Variants in XRCC4 observed in about 807,000 individuals in gnomAD.
The protein encoded by XRCC4 is DNA repair protein XRCC4.
Under a neutral mutation model 39.1 loss-of-function variants are expected in XRCC4, and 28 were observed. The observed-to-expected ratio is 0.72, with a 90% CI of 0.53 to 0.98. XRCC4 has a LOEUF of 0.98. XRCC4 is among the 50% of genes least tolerant of loss of function. The pLI, the probability that XRCC4 is intolerant of heterozygous loss-of-function variation, is 0.00. For synonymous variants in XRCC4, 123 were observed against 126.4 expected (o/e 0.97, Z 0.18); for missense variants, 350 against 376.4 (o/e 0.93, Z 0.58).
chr5:83,138,055 A>G (rs188236578), intron 3 of XRCC4, among the ~76,000 whole-genome samples: 48 of 152,306 alleles, frequency 3.2e-4, no homozygotes, highest in Admixed American at 2.7e-3. Flanking sequence ...TTGAGTTCAG[A>G]TAGATTAATA....
chr5:83,078,242 TAC>T (rs1744763117), intron 1 of XRCC4, among the ~76,000 whole-genome samples: 1 of 152,202 alleles, frequency 6.6e-6, no homozygotes, highest in Admixed American at 6.5e-5. Context: ...GAGGTTCTAC[TAC>T]ACACACACGT....
At chr5:83,242,608 C>T (rs1361740090) in intron 6 of XRCC4, among the ~76,000 whole-genome samples, 1 of 151,936 alleles carries the variant, frequency 6.6e-6, no homozygotes, top group African/African-American at 2.4e-5. Flanking sequence ...GCCACTATGC[C>T]CAGTTTCTTC....
chr5:83,266,492 G>C (rs375116755), intron 7 of XRCC4, among the ~76,000 whole-genome samples: 3 of 151,440 alleles, frequency 2.0e-5, no homozygotes, highest in African/African-American at 7.3e-5. Flanking sequence ...TCAGCAAATG[G>C]AAGAAAGAAA....
At chr5:83,275,154 G>A (rs1055134148) in intron 7 of XRCC4, among the ~76,000 whole-genome samples, 1 of 152,146 alleles carries the variant, frequency 6.6e-6, no homozygotes, top group Admixed American at 6.5e-5. Flanking sequence ...TTTAGAATAA[G>A]GGAGAGAGAG....
chr5:83,204,107 C>G (rs1292033761), intron 5 of XRCC4, among the ~76,000 whole-genome samples: 1 of 152,098 alleles, frequency 6.6e-6, no homozygotes, highest in Non-Finnish European at 1.5e-5. Context: ...CCAGGGAGCA[C>G]TTATTTTATC....
chr5:83,357,178 A>G (rs1445735788), downstream of XRCC4, among the ~76,000 whole-genome samples: 1 of 152,202 alleles, frequency 6.6e-6, no homozygotes, highest in African/African-American at 2.4e-5. Context: ...CTTTCAACAA[A>G]TATTTGTAAG....
intron 1 of XRCC4, among the ~76,000 whole-genome samples, chr5:83,086,108 T>G (rs538312459): frequency 6.6e-5 from 10 of 152,334 alleles, no homozygotes; most frequent in African/African-American, 2.4e-4. Flanking sequence ...CTAATGGTAG[T>G]GATAGGTGGC....
intron 7 of XRCC4, among the ~76,000 whole-genome samples, chr5:83,261,165 G>A (rs540868859): frequency 3.7e-4 from 56 of 149,906 alleles, no homozygotes; most frequent in Middle Eastern, 3.5e-3. Flanking sequence ...ATGAAAAAAA[G>A]AAGCTTCTAT....
At chr5:83,323,077 T>C (rs1267558565) in intron 7 of XRCC4, among the ~76,000 whole-genome samples, 1 of 152,088 alleles carries the variant, frequency 6.6e-6, no homozygotes, top group Non-Finnish European at 1.5e-5. Context: ...GTATTGACTC[T>C]GATGGATCTA....
intron 6 of XRCC4, among the ~76,000 whole-genome samples, chr5:83,251,523 CAAAAAA>C (rs60359773): frequency 1.1e-4 from 8 of 69,868 alleles, no homozygotes; most frequent in Admixed American, 8.3e-4. Flanking sequence ...GACTCCGTCT[CAAAAAA>C]AAAAAAAAAA....
At chr5:83,214,651 T>C (rs1369596623) in intron 6 of XRCC4, among the ~76,000 whole-genome samples, 2 of 151,726 alleles carry the variant, frequency 1.3e-5, no homozygotes, top group Non-Finnish European at 2.9e-5. Context: ...GCTAACACGG[T>C]GAAACCCCAT....
intron 3 of XRCC4, among the ~76,000 whole-genome samples, chr5:83,174,564 T>G (rs1749869248): frequency 6.6e-6 from 1 of 152,214 alleles, no homozygotes; most frequent in Non-Finnish European, 1.5e-5. Flanking sequence ...TTTTTGGCCA[T>G]GGATAAGTGT....
chr5:83,273,950 A>G (rs1205642646), intron 7 of XRCC4, among the ~76,000 whole-genome samples: 3 of 151,246 alleles, frequency 2.0e-5, no homozygotes, highest in Admixed American at 6.6e-5. Flanking sequence ...TTCCTGAGTT[A>G]TCACTACTTT....
intron 6 of XRCC4, among the ~76,000 whole-genome samples, chr5:83,241,710 C>T (rs984679312): frequency 1.3e-5 from 2 of 152,060 alleles, no homozygotes; most frequent in Admixed American, 1.3e-4. Flanking sequence ...TTACTAATAG[C>T]CTACTGTTGA....
intron 7 of XRCC4, among the ~76,000 whole-genome samples, chr5:83,271,343 T>C (rs1299985579): frequency 6.6e-6 from 1 of 152,156 alleles, no homozygotes; most frequent in African/African-American, 2.4e-5. Context: ...ATACGCCCAT[T>C]TGAATTACAA....
At chr5:83,110,384 T>C (rs1487936313) in intron 2 of XRCC4, among the ~76,000 whole-genome samples, 1 of 151,986 alleles carries the variant, frequency 6.6e-6, no homozygotes, top group Non-Finnish European at 1.5e-5. Flanking sequence ...ATTGAAAATA[T>C]AATTATTGAA....
At chr5:83,293,297 A>G (rs1377649830) in intron 7 of XRCC4, among the ~76,000 whole-genome samples, 2 of 151,772 alleles carry the variant, frequency 1.3e-5, no homozygotes, top group Non-Finnish European at 1.5e-5. Context: ...TCAGCAACTA[A>G]CTCCTAGTAT....
intron 6 of XRCC4, among the ~76,000 whole-genome samples, chr5:83,227,735 T>A (rs1752344005): frequency 6.6e-6 from 1 of 152,120 alleles, no homozygotes; most frequent in South Asian, 2.1e-4. Flanking sequence ...CTCTATAATG[T>A]CATCATGCAC....
chr5:83,100,055 C>T (rs13180356), intron 1 of XRCC4, among the ~76,000 whole-genome samples: 27,093 of 152,056 alleles, frequency 0.18, 2,981 homozygotes, highest in Non-Finnish European at 0.25. Context: ...TTTCAAACCT[C>T]ATTCAAATAG....
Sources: allele counts gnomAD v4.1 joint callset (sites outside exome capture counted in the v4.1 genomes callset), GRCh38; gene constraint gnomAD v4.1.1; transcripts MANE v1.5; gene names NCBI Gene and HGNC (gene_info 2026-07-23, HGNC 2026-07-21).